WWC1: variants seen among roughly 807,000 people sequenced by gnomAD.
WWC1 encodes the protein protein KIBRA.
Under a neutral mutation model 138.4 loss-of-function variants are expected in WWC1, and 55 were observed. The ratio of observed to expected loss-of-function variants is 0.40; its 90% CI spans 0.32 to 0.50. The LOEUF is 0.50. WWC1 is among the 20% of genes least tolerant of loss of function. The pLI, the probability that WWC1 is intolerant of heterozygous loss-of-function variation, is 0.72. For synonymous variants in WWC1, 524 were observed against 564.9 expected (o/e 0.93, Z 1.03); for missense variants, 1,226 against 1,420.4 (o/e 0.86, Z 2.20).
At chr5:168,410,878 G>A (rs1780175429) in intron 8 of WWC1, among the ~76,000 whole-genome samples, 1 of 151,238 alleles carries the variant, frequency 6.6e-6, no homozygotes, top group African/African-American at 2.4e-5. Flanking sequence ...ATTCCAGGTG[G>A]TAGAGGCAGA....
At chr5:168,403,947 C>T (rs941690002) in intron 5 of WWC1, among the ~76,000 whole-genome samples, 2 of 151,016 alleles carry the variant, frequency 1.3e-5, no homozygotes, top group African/African-American at 2.4e-5. Flanking sequence ...ATTCATTCAC[C>T]GTGTGCATAA....
At chr5:168,462,662 C>A (rs557620843) in intron 20 of WWC1, among the ~76,000 whole-genome samples, 37 of 152,298 alleles carry the variant, frequency 2.4e-4, no homozygotes, top group African/African-American at 8.7e-4. Flanking sequence ...TCCCCTGTTC[C>A]CCTTAACCAA....
chr5:168,397,466 CTT>C (rs1386756016), intron 3 of WWC1, among the ~76,000 whole-genome samples: 1 of 152,086 alleles, frequency 6.6e-6, no homozygotes, highest in African/African-American at 2.4e-5. Context: ...ATTCTTTACA[CTT>C]TTTTTGTAAA....
intron 11 of WWC1, among the ~76,000 whole-genome samples, chr5:168,427,734 G>A (rs980209618): frequency 4.0e-5 from 6 of 151,366 alleles, no homozygotes; most frequent in African/African-American, 1.2e-4. Flanking sequence ...CAGGCAGATC[G>A]CCTAAGACCA....
intron 9 of WWC1, chr5:168,416,046 C>CT (rs1421557240): frequency 2.0e-5 from 3 of 152,178 alleles, no homozygotes; most frequent in Admixed American, 2.0e-4. Flanking sequence ...CCTTTGAGCT[C>CT]TAAGGCACCC....
At position 168,469,934 on chromosome 5, in the gene WWC1, A is replaced by T. The variant is rs1377314748; in HGVS notation, c.*917A>T. On this transcript the variant is annotated 3_prime_UTR_variant, in exon 23 of 23. Coordinates refer to ENST00000265293, the MANE Select transcript of WWC1 (RefSeq NM_015238.3). Reference sequence around the variant, plus strand: ...TTAAATTAAAATGACTGCTCGGCTCATTGGGAATCCACATCCCCAAGTTAG... The same window carrying T: ...TTAAATTAAAATGACTGCTCGGCTCTTTGGGAATCCACATCCCCAAGTTAG... 6.6e-6 allele frequency: 1 copy of T among 152,064 alleles called. No individual in the cohort carries two copies. The highest frequency in any genetic ancestry group is 1.5e-5 in the Non-Finnish European group (1 of 68,032). 9.4% of individuals were successfully genotyped at this position (152,064 alleles called of 1,614,324 possible). A position where few individuals can be genotyped will look rare whatever the true frequency, so the allele number is the denominator to read the frequency against.
chr5:168,324,273 A>C (rs971158791), intron 1 of WWC1, among the ~76,000 whole-genome samples: 3 of 152,142 alleles, frequency 2.0e-5, no homozygotes, highest in African/African-American at 7.2e-5. Context: ...GTCTCTACTA[A>C]AAGTACAAAA....
chr5:168,422,742 A>G (rs1486448866), intron 10 of WWC1, among the ~76,000 whole-genome samples: 5 of 152,218 alleles, frequency 3.3e-5, no homozygotes, highest in Non-Finnish European at 5.9e-5. Context: ...ATTTTGTTCC[A>G]TTAGATTTTT....
intron 3 of WWC1, among the ~76,000 whole-genome samples, chr5:168,389,920 T>G (rs1778355147): frequency 6.6e-6 from 1 of 152,168 alleles, no homozygotes; most frequent in African/African-American, 2.4e-5. Flanking sequence ...TTGTCATAAG[T>G]GTCATAGGGG....
chr5:168,399,454 G>A (rs762179666), intron 4 of WWC1, 34 bp from the exon 5 acceptor site: 2 of 1,613,128 alleles, frequency 1.2e-6, no homozygotes, highest in South Asian at 1.1e-5. Context: ...GTCAGCCTCT[G>A]ACCCAGCCCT....
chr5:168,432,687 G>A (rs1050983284), intron 15 of WWC1, among the ~76,000 whole-genome samples: 6 of 152,030 alleles, frequency 3.9e-5, no homozygotes, highest in African/African-American at 1.4e-4. Flanking sequence ...CCTGTGTCTG[G>A]GGCTGGGGAT....
At chr5:168,321,756 C>G (rs1242928923) in intron 1 of WWC1, among the ~76,000 whole-genome samples, 1 of 152,192 alleles carries the variant, frequency 6.6e-6, no homozygotes, top group Non-Finnish European at 1.5e-5. Flanking sequence ...AAGCTGGTCT[C>G]AAACTCCCGA....
At chr5:168,455,214 A>G (rs2152886262) in intron 18 of WWC1, 142 bp from the exon 19 acceptor site, 1 of 1,063,246 alleles carries the variant, frequency 9.4e-7, no homozygotes, top group Non-Finnish European at 1.3e-6. Flanking sequence ...CTCATCTAGC[A>G]GGGCTAATGC....
At chr5:168,397,878 C>T in intron 4 of WWC1, 78 bp downstream of exon 4, 18 of 1,489,848 alleles carry the variant, frequency 1.2e-5, no homozygotes, top group Non-Finnish European at 1.3e-5. Flanking sequence ...CCCACAAGAC[C>T]AGAACAGATG....
intron 11 of WWC1, among the ~76,000 whole-genome samples, chr5:168,426,757 C>T (rs1005875725): frequency 6.6e-6 from 1 of 152,250 alleles, no homozygotes; most frequent in African/African-American, 2.4e-5. Context: ...CTGCCATGCC[C>T]TGGACTCTGT....
intron 2 of WWC1, among the ~76,000 whole-genome samples, chr5:168,379,615 G>A (rs1777468734): frequency 6.6e-6 from 1 of 152,064 alleles, no homozygotes; most frequent in Non-Finnish European, 1.5e-5. Flanking sequence ...GGTCAGGCTG[G>A]TCTTGAACTC....
rs1779288986 is a variant in WWC1, at chr5:168,401,270, C to A, written c.590+1703C>A. Among the ~76,000 whole-genome samples the A allele has an allele frequency of 1.3e-5, 2 of 152,256 alleles. 1 individual carries two copies. The highest frequency in any genetic ancestry group is 6.8e-3 in the Middle Eastern group (2 of 294). ...CACTGGACAATCATTATGAAGGTCA[C>A]CTGGTAGCCCTCTTAGAAGCTCTAG... On this transcript the variant is annotated intron_variant, in intron 5 of 22. Transcript: ENST00000265293.
chr5:168,431,160 T>C (rs890059855), intron 14 of WWC1, 92 bp from the exon 15 acceptor site: 1 of 1,168,186 alleles, frequency 8.6e-7, no homozygotes, highest in Non-Finnish European at 1.2e-6. Context: ...TCCACTGTTG[T>C]TTGCTTAGGG....
chr5:168,357,493 T>TGTGTGTGTGTGCGC (rs1353607261), intron 1 of WWC1, among the ~76,000 whole-genome samples: 1 of 119,810 alleles, frequency 8.3e-6, no homozygotes, highest in African/African-American at 4.3e-5. Context: ...TGTGTGTGTG[T>TGTGTGTGTGTGCGC]GCGCGCGCGC....
Sources: allele counts gnomAD v4.1 joint callset (sites outside exome capture counted in the v4.1 genomes callset), GRCh38; gene constraint gnomAD v4.1.1; transcripts MANE v1.5; gene names NCBI Gene and HGNC (gene_info 2026-07-23, HGNC 2026-07-21).